The following EPHA4 variants were observed in gnomAD, a reference collection of about 807,000 sequenced individuals.
EPHA4 encodes the protein EPH receptor A4, also known as ephrin type-A receptor 4.
Under a neutral mutation model 108.3 loss-of-function variants are expected in EPHA4, and 19 were observed. The observed-to-expected ratio is 0.18, with a 90% CI of 0.12 to 0.26. The LOEUF (loss-of-function observed/expected upper bound fraction) is 0.26. Ranked by LOEUF, EPHA4 falls within the 10% of genes least tolerant of loss-of-function variation. The pLI is 1.00. For synonymous variants in EPHA4, 449 were observed against 455.5 expected (o/e 0.99, Z 0.18); for missense variants, 917 against 1,254.0 (o/e 0.73, Z 4.06).
At chr2:221,468,469 A>C (rs1193496147) in intron 5 of EPHA4, among the ~76,000 whole-genome samples, 1 of 152,158 alleles carries the variant, frequency 6.6e-6, no homozygotes, top group Non-Finnish European at 1.5e-5. Context: ...TAAAAAGCTA[A>C]GCTTGTAGGC....
In EPHA4 at chr2:221,482,403, T is replaced by G. The variant is rs1274741785; in HGVS notation, c.1267A>C (p.Asn423His). 2 of 1,613,850 alleles carry G rather than the reference T, an allele frequency of 1.2e-6. No individual in the cohort carries two copies. Among genetic ancestry groups the G allele is most frequent in the African/African-American group, 2.7e-5 (2 of 74,906 alleles). Residue 423 changes from asparagine (N) to histidine (H), a missense_variant, in exon 5 of 18, where the codon AAC (asparagine) becomes CAC (histidine). By Grantham distance (68) the Asn-to-His change is moderately conservative. Around this residue, in one of 3 missense-constraint regions of EPHA4, gnomAD observed 758 missense variants for 1,076.7 expected, o/e 0.70. Coordinates refer to ENST00000281821, the MANE Select transcript of EPHA4 (RefSeq NM_004438.5). ...IWAVNGVSKY[N>H]PNPDQSVSVT... ...GAAACTGATTGGTCTGGGTTAGGGT[T>G]ATATTTGGACACTCCATTCACAGCC...
chr2:221,504,537 TTTTA>T (rs1337236933), intron 3 of EPHA4, among the ~76,000 whole-genome samples: 86 of 17,216 alleles, frequency 5.0e-3, no homozygotes, highest in African/African-American at 0.012. Context: ...TATTTGAAAA[TTTTA>T]TATATATATA....
intron 3 of EPHA4, among the ~76,000 whole-genome samples, chr2:221,543,388 C>T (rs1253922399): frequency 6.6e-6 from 1 of 152,100 alleles, no homozygotes; most frequent in Non-Finnish European, 1.5e-5. Context: ...ATGTGTACAT[C>T]AAAGAAAGTC....
intron 3 of EPHA4, among the ~76,000 whole-genome samples, chr2:221,547,659 C>A (rs1011718523): frequency 6.6e-6 from 1 of 152,154 alleles, no homozygotes; most frequent in African/African-American, 2.4e-5. Context: ...ACAAGTCAAT[C>A]ACTCAGGCAT....
intron 5 of EPHA4, among the ~76,000 whole-genome samples, chr2:221,469,762 G>A (rs934170168): frequency 2.0e-5 from 3 of 152,124 alleles, no homozygotes; most frequent in Admixed American, 1.3e-4. Flanking sequence ...CCGGGCCTTG[G>A]ACCACTTATG....
intron 8 of EPHA4, among the ~76,000 whole-genome samples, chr2:221,448,498 A>G (rs1161379026): frequency 6.6e-6 from 1 of 152,232 alleles, no homozygotes; most frequent in African/African-American, 2.4e-5. Context: ...CCCTGAAGCC[A>G]AACAACTTTC....
At position 221,457,851 on chromosome 2, in the gene EPHA4, T is replaced by A; in HGVS notation, c.1443+15A>T. The A allele has an allele frequency of 1.2e-6, 2 of 1,611,272 alleles. No individual in the cohort carries two copies. Among genetic ancestry groups the A allele is most frequent in the Non-Finnish European group, 1.7e-6 (2 of 1,178,540 alleles). On this transcript the variant is annotated intron_variant, in intron 6 of 17. Coordinates refer to ENST00000281821, the MANE Select transcript of EPHA4 (RefSeq NM_004438.5). ...AAGGAAGAAAGGAAAGGAGTGTTGT[T>A]CACTCAAGTAATACCTTCTCATAAT...
chr2:221,499,958 T>C (rs1270342595), intron 4 of EPHA4, among the ~76,000 whole-genome samples: 1 of 151,612 alleles, frequency 6.6e-6, no homozygotes, highest in East Asian at 2.0e-4. Context: ...GGTTTCACCA[T>C]GTTGACCAGG....
upstream of EPHA4, chr2:221,573,177 AG>A (rs1175473078): frequency 6.6e-6 from 1 of 152,396 alleles, no homozygotes; most frequent in Non-Finnish European, 1.5e-5. This position sits in a 1 kb window ranked among gnomAD's most constrained non-coding sequence, Gnocchi z 4.5. Flanking sequence ...GCGGTGGGGT[AG>A]AAGTGAAAGG....
At chr2:221,480,969 G>A (rs912355268) in intron 5 of EPHA4, among the ~76,000 whole-genome samples, 5 of 151,948 alleles carry the variant, frequency 3.3e-5, no homozygotes, top group Admixed American at 1.3e-4. Context: ...AGTTAGAGGC[G>A]ATAGGATTGT....
intron 1 of EPHA4, 45 bp downstream of exon 1, chr2:221,572,113 G>A (rs1362241527): frequency 6.5e-7 from 1 of 1,533,502 alleles, no homozygotes; most frequent in South Asian, 1.1e-5. Context: ...CACCCGCGAT[G>A]GCCCCTCGCT....
At chr2:221,423,349 G>A (rs1024790618) in intron 17 of EPHA4, among the ~76,000 whole-genome samples, 1 of 152,176 alleles carries the variant, frequency 6.6e-6, no homozygotes. Context: ...CTGGCTCTGC[G>A]CCCTGGGAAA....
rs1355350255 is a variant in EPHA4, at chr2:221,571,876, G to A, written c.91+282C>T. Among the ~76,000 whole-genome samples, 1 of 152,110 alleles carries A rather than the reference G, an allele frequency of 6.6e-6. No individual in the cohort carries two copies. Among genetic ancestry groups the A allele is most frequent in the Non-Finnish European group, 1.5e-5 (1 of 68,026 alleles). The stretch of plus-strand genomic sequence containing the variant: ...TGTCTCCCGTGCATCCCCTCAGGGC[G>A]CCTCGAGCGGGCCTCTCTGGCGGAT... On this transcript the variant is annotated intron_variant, in intron 1 of 17. Transcript: ENST00000281821. The surrounding 1 kb of genome is among the most constrained non-coding windows in gnomAD (Gnocchi z 6.3).
chr2:221,454,714 G>A (rs1375996139), intron 8 of EPHA4, among the ~76,000 whole-genome samples: 2 of 152,200 alleles, frequency 1.3e-5, no homozygotes, highest in South Asian at 2.1e-4. Flanking sequence ...CTGGGCAGAC[G>A]ATGGGAGTGA....
At position 221,517,519 on chromosome 2, in the gene EPHA4, G is replaced by T. The variant is rs191347008; in HGVS notation, c.824-16347C>A. Reference sequence around the variant, plus strand: ...AGGGGACCTGTAAGGAGGCCCTTGAGATCCAGCAGAGAGGGCATGGCCACC... The same window carrying T: ...AGGGGACCTGTAAGGAGGCCCTTGATATCCAGCAGAGAGGGCATGGCCACC... On this transcript the variant is annotated intron_variant, in intron 3 of 17. Coordinates refer to ENST00000281821, the MANE Select transcript of EPHA4 (RefSeq NM_004438.5). Among the ~76,000 whole-genome samples the T allele has an allele frequency of 4.1e-4, 63 of 152,284 alleles. 1 individual carries two copies. Among genetic ancestry groups the T allele is most frequent in the African/African-American group, 1.4e-3 (59 of 41,566 alleles).
intron 3 of EPHA4, among the ~76,000 whole-genome samples, chr2:221,561,762 ATGTATGAGTTACTAGGCTC>A (rs1694472393): frequency 6.6e-6 from 1 of 152,236 alleles, no homozygotes; most frequent in African/African-American, 2.4e-5. Flanking sequence ...CAATGTAGCA[ATGTATGAGTTACTAGGCTC>A]TGTGACAATT....
In EPHA4 at chr2:221,457,997, G is replaced by GA. The variant is rs752402880; in HGVS notation, c.1319-8dup. ...AAAGCAATGGATGATGGTGCTGTTA[G>GA]AAAAAAACAAAAGACAAAAGATATT... On this transcript the variant is annotated splice_polypyrimidine_tract_variant and splice_region_variant and intron_variant, in intron 5 of 17. Transcript: ENST00000281821. 1.2e-6 allele frequency: 2 copies of GA among 1,600,400 alleles called. No individual in the cohort carries two copies. The highest frequency in any genetic ancestry group is 4.5e-5 in the East Asian group (2 of 44,742).
At chr2:221,491,165 G>A (rs1333531826) in intron 4 of EPHA4, among the ~76,000 whole-genome samples, 2 of 151,972 alleles carry the variant, frequency 1.3e-5, no homozygotes, top group African/African-American at 4.8e-5. Context: ...TAGGGGTTTG[G>A]TTTCTTTTTA....
At chr2:221,482,208 G>T in intron 5 of EPHA4, 144 bp downstream of exon 5, 1 of 870,548 alleles carries the variant, frequency 1.1e-6, no homozygotes, top group Non-Finnish European at 1.7e-6. Flanking sequence ...ACCGTGCCCA[G>T]CCCCTAAGTA....
Sources: gnomAD v4.1 joint callset for allele counts (sites outside exome capture counted in the v4.1 genomes callset) on GRCh38, gnomAD v4.1.1 for gene constraint, gnomAD v4.1.1 regional missense constraint, Gnocchi (gnomAD v3.1) non-coding constraint, MANE v1.5 for transcripts, NCBI Gene and HGNC (gene_info 2026-07-23, HGNC 2026-07-21) for gene names.